The following ULBP1 variants were observed in gnomAD, a reference collection of about 807,000 sequenced individuals.
The protein encoded by ULBP1 is UL16-binding protein 1.
A neutral mutation model predicts 25.3 loss-of-function variants in ULBP1; 28 were observed. The ratio of observed to expected loss-of-function variants is 1.10; its 90% confidence interval spans 0.82 to 1.51. The LOEUF is 1.51. Among genes scored for constraint, ULBP1 ranks in the 40% most tolerant of loss-of-function variants. The probability of loss-of-function intolerance (pLI) is 0.00; values close to 1 mark genes in which losing one functional copy is unlikely to be tolerated. For missense variants in ULBP1, 348 were observed against 290.9 expected (o/e 1.20, Z -1.43); for synonymous variants, 129 against 103.0 (o/e 1.25, Z -1.53).
At chr6:149,966,044 C>G (rs1779200066) in intron 1 of ULBP1, among the ~76,000 whole-genome samples, 1 of 152,054 alleles carries the variant, frequency 6.6e-6, no homozygotes, top group South Asian at 2.1e-4. Flanking sequence ...CACTTCTGCC[C>G]TTGGGTCCCA....
Position 149,969,134 on chromosome 6 carries a change from A to C in ULBP1, c.399A>C (p.Gly133=), listed in dbSNP as rs1779259707. ...ARMSCEHEAH[G]HGRGSWQFLF... ...TGTCTTGTGAGCATGAAGCCCATGG[A>C]CACGGCAGAGGATCTTGGCAGTTCC... The change falls in exon 3 of 5, where the codon GGA becomes GGC. Residue 133 remains glycine (G), a synonymous_variant. Transcript: ENST00000229708. The C allele has an allele frequency of 6.2e-7, 1 of 1,614,112 alleles. No individual in the cohort carries two copies. The highest frequency in any genetic ancestry group is 8.5e-7 in the Non-Finnish European group (1 of 1,180,052).
Position 149,973,439 on chromosome 6 carries a change from C to T in ULBP1, c.*2093C>T, listed in dbSNP as rs558331769. On this transcript the variant is annotated 3_prime_UTR_variant, in exon 5 of 5. Coordinates refer to ENST00000229708, the MANE Select transcript of ULBP1 (RefSeq NM_025218.4). ...TCTCAAATTCTACCCATGTAACAAA[C>T]CTGTATATGTACCTTGTATTATATA... 6 of 152,100 alleles carry T rather than the reference C, an allele frequency of 3.9e-5. No homozygotes were observed. Among genetic ancestry groups the T allele is most frequent in the African/African-American group, 1.4e-4 (6 of 41,388 alleles). 9.4% of individuals were successfully genotyped at this position (152,100 alleles called of 1,614,324 possible).
rs778677296 is a variant in ULBP1, at chr6:149,968,871, G to T, written c.349+1G>T. ...CAAGTGGAGAATTTAATACCCATTG[G>T]TAAGTTTAAAATGGCCCAGGGAGCA... is the stretch of plus-strand genomic sequence containing the variant. On this transcript the variant is annotated splice_donor_variant, in intron 2 of 4. Coordinates refer to ENST00000229708, the MANE Select transcript of ULBP1 (RefSeq NM_025218.4). LOFTEE classifies it high-confidence loss of function. 3.7e-6 allele frequency: 6 copies of T among 1,613,190 alleles called. No homozygotes were observed. The African/African-American group carries it at 8.0e-5, about 22-fold the overall frequency.
intron 1 of ULBP1, among the ~76,000 whole-genome samples, chr6:149,964,610 C>T (rs1425015467): frequency 6.7e-6 from 1 of 150,236 alleles, no homozygotes; most frequent in East Asian, 2.0e-4. Context: ...TCTCCCCGAA[C>T]ATTGCCATCT....
At chr6:149,970,269 TG>T in intron 4 of ULBP1, 122 bp downstream of exon 4, 3 of 1,325,818 alleles carry the variant, frequency 2.3e-6, no homozygotes, top group Non-Finnish European at 3.0e-6. Context: ...GACAGATGAA[TG>T]AGACCTGCTG....
rs9689021 is a variant in ULBP1 at position 149,965,060 on chromosome 6, C to T, written c.85+926C>T. ...GCTGCTTGCCCCATAGGCCAGGAGG[C>T]TTCTGGGTGGACCAGCGCGATCTCC... On this transcript the variant is annotated intron_variant, in intron 1 of 4. Transcript: ENST00000229708. Among the ~76,000 whole-genome samples, 474 of 149,024 alleles carry T rather than the reference C, an allele frequency of 3.2e-3. 1 individual carries two copies. Among genetic ancestry groups the T allele is most frequent in the African/African-American group, 0.011 (439 of 40,458 alleles).
In ULBP1 at chr6:149,965,107, A is replaced by C. The variant is rs111563198; in HGVS notation, c.85+973A>C. On this transcript the variant is annotated intron_variant, in intron 1 of 4. Coordinates refer to ENST00000229708, the MANE Select transcript of ULBP1 (RefSeq NM_025218.4). ...CTCCCCGAATATCGCGGTCTACCCG[A>C]ACATCGCGGCCTCCCCGAACATCGC... 5.8e-3 allele frequency among the ~76,000 whole-genome samples: 844 copies of C among 146,340 alleles called. 12 individuals carry two copies. The highest frequency in any genetic ancestry group is 0.021 in the African/African-American group (796 of 37,498).
At position 149,969,138 on chromosome 6, in the gene ULBP1, G is replaced by T. The variant is rs369005799; in HGVS notation, c.403G>T (p.Gly135Cys). The T allele has an allele frequency of 2.5e-5, 41 of 1,614,070 alleles. No homozygotes were observed. Among genetic ancestry groups the T allele is most frequent in the Non-Finnish European group, 3.3e-5 (39 of 1,180,046 alleles). ...TTGTGAGCATGAAGCCCATGGACAC[G>T]GCAGAGGATCTTGGCAGTTCCTCTT... The part of the protein sequence containing the change: ...MSCEHEAHGH[G>C]RGSWQFLFNG... Residue 135 changes from glycine to cysteine, a missense_variant, in exon 3 of 5, where the codon GGC (glycine) becomes TGC (cysteine). Gly to Cys is a radical substitution (Grantham distance 159). Transcript: ENST00000229708.
chr6:149,970,870 G>A (rs1204875551), intron 4 of ULBP1, among the ~76,000 whole-genome samples: 5 of 152,256 alleles, frequency 3.3e-5, no homozygotes, highest in Admixed American at 6.5e-5. Context: ...AGCTGCTGCT[G>A]GAGTTCCATG....
At position 149,971,358 on chromosome 6, in the gene ULBP1, C is replaced by G. The variant is rs1779314698; in HGVS notation, c.*23-11C>G. ...TCAGCCACTTAAACCAATGCTTCAT[C>G]TTTTCTCAAGGTGGAAAGTGATATC... is the stretch of plus-strand genomic sequence containing the variant. On this transcript the variant is annotated splice_polypyrimidine_tract_variant and intron_variant, in intron 4 of 4. Transcript: ENST00000229708. 1 of 985,338 alleles carries G rather than the reference C, an allele frequency of 1.0e-6. No homozygotes were observed. Among genetic ancestry groups the G allele is most frequent in the Non-Finnish European group, 1.2e-6 (1 of 829,964 alleles). 61.0% of individuals were successfully genotyped at this position (985,338 alleles called of 1,614,324 possible). A position where few individuals can be genotyped will look rare whatever the true frequency, so the allele number is the denominator to read the frequency against.
chr6:149,970,926 A>G (rs1471222146), intron 4 of ULBP1, among the ~76,000 whole-genome samples: 3 of 152,256 alleles, frequency 2.0e-5, no homozygotes, highest in African/African-American at 7.2e-5. Flanking sequence ...GGGCAAGGAC[A>G]GTCCCATTCA....
chr6:149,971,131 A>C (rs1582828587), intron 4 of ULBP1, among the ~76,000 whole-genome samples: 1 of 152,064 alleles, frequency 6.6e-6, no homozygotes, highest in Admixed American at 6.5e-5. Flanking sequence ...ACCCCTCATT[A>C]CCAGCCTCAG....
chr6:149,969,288 A>G lies in ULBP1; in HGVS notation c.553A>G (p.Ile185Val), dbSNP rs760683549. ...NRDVTMFFQK[I>V]SLGDCKMWLE... The stretch of plus-strand genomic sequence containing the variant: ...GGATGTGACCATGTTCTTCCAGAAG[A>G]TTTCACTGGGGGATTGTAAGATGTG... The change falls in exon 3 of 5, where the codon ATT becomes GTT. Residue 185 changes from isoleucine to valine, a missense_variant. Physicochemically the swap from Ile to Val is conservative, Grantham distance 29. Coordinates refer to ENST00000229708, the MANE Select transcript of ULBP1 (RefSeq NM_025218.4). The G allele has an allele frequency of 8.1e-6, 13 of 1,614,226 alleles. No individual in the cohort carries two copies. The highest frequency in any genetic ancestry group is 6.8e-6 in the Non-Finnish European group (8 of 1,180,038).
At chr6:149,967,555 T>C (rs1233185999) in intron 1 of ULBP1, among the ~76,000 whole-genome samples, 3 of 152,330 alleles carry the variant, frequency 2.0e-5, no homozygotes, top group East Asian at 3.9e-4. Context: ...TTTGTCTTTG[T>C]TTGTTGTAAT....
At chr6:149,967,714 C>A (rs1352652033) in intron 1 of ULBP1, among the ~76,000 whole-genome samples, 1 of 152,120 alleles carries the variant, frequency 6.6e-6, no homozygotes, top group Non-Finnish European at 1.5e-5. Context: ...TTGCACCCTC[C>A]TTCCTGCTGA....
chr6:149,964,781 CCCCAACATCGCGATCCCT>C lies in ULBP1; in HGVS notation c.85+650_85+667del, dbSNP rs534739468. On this transcript the variant is annotated intron_variant, in intron 1 of 4. Transcript: ENST00000229708. ...CGATGCCCCCGAACATCGCGTTCTA[CCCCAACATCGCGATCCCT>C]CCGAACATCGTGATCCCCCCCGAAC... 4.8e-3 allele frequency among the ~76,000 whole-genome samples: 689 copies of C among 144,140 alleles called. 11 individuals are homozygous for C. The highest frequency in any genetic ancestry group is 0.017 in the African/African-American group (642 of 37,856). 94.6% of individuals were successfully genotyped at this position (144,140 alleles called of 152,430 possible).
rs1779267398 is a variant in ULBP1 at position 149,969,371 on chromosome 6, G to A, written c.625+11G>A. ...TGCTGGATCCAACAAGTAAGTGAGA[G>A]GGGGATAAATGGAAGCTGTCTCGAG... On this transcript the variant is annotated intron_variant, in intron 3 of 4. Coordinates refer to ENST00000229708, the MANE Select transcript of ULBP1 (RefSeq NM_025218.4). 1.2e-6 allele frequency: 2 copies of A among 1,610,680 alleles called. No homozygotes were observed. The highest frequency in any genetic ancestry group is 4.5e-5 in the East Asian group (2 of 44,808).
intron 1 of ULBP1, among the ~76,000 whole-genome samples, chr6:149,965,804 T>C (rs185123550): frequency 9.2e-5 from 14 of 152,112 alleles, no homozygotes; most frequent in African/African-American, 2.2e-4. Flanking sequence ...GGTCGCATCC[T>C]TTCACTCCCC....
rs1426443127 is a variant in ULBP1 at position 149,970,068 on chromosome 6, C to A, written c.678C>A (p.Thr226=). 2 of 1,613,492 alleles carry A rather than the reference C, an allele frequency of 1.2e-6. No homozygotes were observed. The highest frequency in any genetic ancestry group is 2.2e-5 in the South Asian group (2 of 90,850). Residue 226 remains threonine (T), a synonymous_variant, in exon 4 of 5, where the codon ACC becomes ACA. Coordinates refer to ENST00000229708, the MANE Select transcript of ULBP1 (RefSeq NM_025218.4). ...CCCAACCCAAGGCCATGGCCACCAC[C>A]CTCAGTCCCTGGAGCCTTCTCATCA... ...GTTQPKAMAT[T]LSPWSLLIIF...
Sources: allele counts gnomAD v4.1 joint callset (sites outside exome capture counted in the v4.1 genomes callset), GRCh38; gene constraint gnomAD v4.1.1; transcripts MANE v1.5; gene names NCBI Gene and HGNC (gene_info 2026-07-23, HGNC 2026-07-21).